The following MGAT4C variants were observed in gnomAD, a reference collection of about 807,000 sequenced individuals.
The protein encoded by MGAT4C is alpha-1,3-mannosyl-glycoprotein 4-beta-N-acetylglucosaminyltransferase C.
MGAT4C carries 19 observed loss-of-function variants against 40.1 expected under a neutral mutation model. The ratio of observed to expected loss-of-function variants is 0.47; its 90% CI spans 0.33 to 0.70. The LOEUF is 0.70. MGAT4C is among the 30% of genes least tolerant of loss of function. The pLI, the probability that MGAT4C is intolerant of heterozygous loss-of-function variation, is 0.02. For synonymous variants in MGAT4C, 181 were observed against 187.1 expected (o/e 0.97, Z 0.27); for missense variants, 491 against 563.2 (o/e 0.87, Z 1.30).
intron 2 of MGAT4C, 61 bp from the exon 3 acceptor site, chr12:85,989,613 G>A (rs1033723192): frequency 2.5e-5 from 36 of 1,434,772 alleles, no homozygotes; most frequent in African/African-American, 1.4e-4. Context: ...TTTCTTTATC[G>A]CATATATAAA....
intron 1 of MGAT4C, among the ~76,000 whole-genome samples, chr12:86,130,340 T>A (rs1299676836): frequency 6.6e-6 from 1 of 152,168 alleles, no homozygotes; most frequent in East Asian, 1.9e-4. Context: ...AATGTGAGAA[T>A]GATTATTTCC....
intron 2 of MGAT4C, among the ~76,000 whole-genome samples, chr12:85,996,850 G>A (rs760791304): frequency 5.3e-5 from 8 of 152,196 alleles, no homozygotes; most frequent in Non-Finnish European, 4.4e-5. Flanking sequence ...TATGAATATC[G>A]AAGTCCTCTA....
intron 1 of MGAT4C, among the ~76,000 whole-genome samples, chr12:86,078,180 C>T (rs995683829): frequency 6.6e-6 from 1 of 152,112 alleles, no homozygotes; most frequent in African/African-American, 2.4e-5. Flanking sequence ...GATGCTGATT[C>T]AGAGCATCAG....
chr12:86,777,880 C>T (rs10858481), intron 1 of MGAT4C, among the ~76,000 whole-genome samples: 51,663 of 152,010 alleles, frequency 0.34, 10,323 homozygotes, highest in Admixed American at 0.47. Flanking sequence ...CCTATATATA[C>T]GCAAACTACC....
intron 1 of MGAT4C, among the ~76,000 whole-genome samples, chr12:86,239,641 A>G (rs987998615): frequency 3.6e-4 from 55 of 152,132 alleles, no homozygotes; most frequent in Non-Finnish European, 4.4e-5. Flanking sequence ...TAAAGTTTGA[A>G]AAATAAAGTA....
chr12:86,184,075 T>C (rs897399844), intron 1 of MGAT4C, among the ~76,000 whole-genome samples: 4 of 152,244 alleles, frequency 2.6e-5, no homozygotes, highest in African/African-American at 9.6e-5. Context: ...TCTCCTCTTT[T>C]CACCATTCAC....
intron 2 of MGAT4C, among the ~76,000 whole-genome samples, chr12:86,477,580 C>G (rs146214479): frequency 6.6e-6 from 1 of 151,868 alleles, no homozygotes; most frequent in African/African-American, 2.4e-5. Context: ...AAAAAAATGT[C>G]CTTTTTCTCT....
chr12:86,567,660 C>T (rs779110096), intron 2 of MGAT4C, among the ~76,000 whole-genome samples: 6 of 152,106 alleles, frequency 3.9e-5, no homozygotes, highest in Non-Finnish European at 8.8e-5. Context: ...GTAAAAACCA[C>T]GATGTGCTGA....
At chr12:86,762,879 T>C (rs1951432237) in intron 1 of MGAT4C, among the ~76,000 whole-genome samples, 2 of 152,194 alleles carry the variant, frequency 1.3e-5, no homozygotes, top group South Asian at 4.1e-4. Context: ...CATTTTCAAA[T>C]GAAAAGCAAA....
rs114540019 is a variant in MGAT4C at position 86,662,686 on chromosome 12, C to A, written c.-229+64523G>T. ...AAGATTAAAAATGGATACAAAACATCTGGCATAGTGTATGACAGAGTGGAT... is the reference window on the plus strand; with the variant it reads ...AAGATTAAAAATGGATACAAAACATATGGCATAGTGTATGACAGAGTGGAT... On this transcript the variant is annotated intron_variant, in intron 2 of 7. Coordinates refer to the MGAT4C transcript ENST00000548651. Among the ~76,000 whole-genome samples, 619 of 152,190 alleles carry A rather than the reference C, an allele frequency of 4.1e-3. 3 individuals carry two copies. Among genetic ancestry groups the A allele is most frequent in the African/African-American group, 0.015 (604 of 41,518 alleles).
chr12:86,056,205 A>G (rs929716531), intron 1 of MGAT4C, among the ~76,000 whole-genome samples: 2 of 152,176 alleles, frequency 1.3e-5, no homozygotes, highest in African/African-American at 4.8e-5. Context: ...CTTATAAAGC[A>G]TGCAGTATGT....
At chr12:86,188,087 T>C (rs757188739) in intron 1 of MGAT4C, among the ~76,000 whole-genome samples, 21 of 152,044 alleles carry the variant, frequency 1.4e-4, no homozygotes, top group Non-Finnish European at 1.9e-4. Flanking sequence ...AGATTGACTT[T>C]CTCTTTTCTG....
intron 1 of MGAT4C, among the ~76,000 whole-genome samples, chr12:86,813,910 T>G (rs946580581): frequency 1.3e-5 from 2 of 151,670 alleles, no homozygotes; most frequent in African/African-American, 2.4e-5. Context: ...TTTTTCTTTC[T>G]TTTTTTTGGG....
intron 1 of MGAT4C, among the ~76,000 whole-genome samples, chr12:86,106,504 C>A (rs1189677264): frequency 6.6e-6 from 1 of 152,040 alleles, no homozygotes; most frequent in Non-Finnish European, 1.5e-5. Context: ...AGGGTTTCCC[C>A]ATCTTATCCA....
intron 1 of MGAT4C, among the ~76,000 whole-genome samples, chr12:86,064,986 AT>A (rs1454722921): frequency 6.6e-6 from 1 of 152,206 alleles, no homozygotes; most frequent in East Asian, 1.9e-4. Flanking sequence ...TCCTGGACAC[AT>A]ACACCCTCCC....
intron 2 of MGAT4C, among the ~76,000 whole-genome samples, chr12:86,466,082 G>T (rs373358853): frequency 6.6e-6 from 1 of 151,870 alleles, no homozygotes; most frequent in Non-Finnish European, 1.5e-5. Context: ...GGTGGCAGGC[G>T]TCTGTAACCC....
intron 4 of MGAT4C, among the ~76,000 whole-genome samples, chr12:86,288,371 T>C (rs1313759604): frequency 5.3e-5 from 8 of 152,214 alleles, no homozygotes; most frequent in Non-Finnish European, 7.3e-5. Flanking sequence ...TTTGTCAATT[T>C]TGGCTTTTGT....
intron 3 of MGAT4C, among the ~76,000 whole-genome samples, chr12:86,431,486 G>A (rs537709096): frequency 6.6e-6 from 1 of 152,230 alleles, no homozygotes; most frequent in East Asian, 1.9e-4. Context: ...CTCCCTTGAC[G>A]AGTATACTGA....
intron 2 of MGAT4C, among the ~76,000 whole-genome samples, chr12:86,540,262 G>A (rs1959150052): frequency 6.6e-6 from 1 of 152,176 alleles, no homozygotes; most frequent in Non-Finnish European, 1.5e-5. Flanking sequence ...GACTTATTCT[G>A]GAGAAAGCCA....
Sources: gnomAD v4.1 joint callset for allele counts (sites outside exome capture counted in the v4.1 genomes callset) on GRCh38, gnomAD v4.1.1 for gene constraint, MANE v1.5 for transcripts, NCBI Gene and HGNC (gene_info 2026-07-23, HGNC 2026-07-21) for gene names.